Variants in HPGDS observed in about 807,000 individuals in gnomAD.
The protein encoded by HPGDS is GST class-sigma.
HPGDS carries 26 observed loss-of-function variants against 23.1 expected under a neutral mutation model. That is an observed-to-expected ratio of 1.13 (90% confidence interval 0.83 to 1.56). The LOEUF (loss-of-function observed/expected upper bound fraction) is 1.56. Among genes scored for constraint, HPGDS ranks in the 40% most tolerant of loss-of-function variants. HPGDS has a pLI of 0.00. For missense variants in HPGDS, 268 were observed against 236.4 expected (o/e 1.13, Z -0.88); for synonymous variants, 95 against 77.9 (o/e 1.22, Z -1.16).
At chr4:94,302,369 AT>A in intron 4 of HPGDS, 125 bp from the exon 5 acceptor site, 1 of 653,660 alleles carries the variant, frequency 1.5e-6, no homozygotes, top group Non-Finnish European at 2.6e-6. Context: ...AAGTAGCTAG[AT>A]TTTTTATTCA....
chr4:94,313,891 T>A (rs1756335928), intron 3 of HPGDS, among the ~76,000 whole-genome samples: 1 of 152,214 alleles, frequency 6.6e-6, no homozygotes, highest in African/African-American at 2.4e-5. Flanking sequence ...ATTCTTTTGA[T>A]CTTCCATCAC....
chr4:94,330,162 T>G (rs74946573), intron 2 of HPGDS, among the ~76,000 whole-genome samples: 2,470 of 152,260 alleles, frequency 0.016, 55 homozygotes, highest in African/African-American at 0.055. Flanking sequence ...GAAGAAAACT[T>G]AATTGTCCTT....
intron 2 of HPGDS, among the ~76,000 whole-genome samples, chr4:94,319,073 C>A (rs1316551339): frequency 3.3e-5 from 5 of 152,122 alleles, no homozygotes; most frequent in Non-Finnish European, 2.9e-5. Context: ...GCAGATTCAG[C>A]CCAATGTTTC....
intron 4 of HPGDS, among the ~76,000 whole-genome samples, chr4:94,304,945 G>C (rs35569829): frequency 6.6e-6 from 1 of 151,990 alleles, no homozygotes; most frequent in Admixed American, 6.6e-5. Flanking sequence ...CTGCACATTA[G>C]GGGGGTGTTT....
intron 2 of HPGDS, among the ~76,000 whole-genome samples, chr4:94,323,153 T>C (rs1241253432): frequency 6.6e-6 from 1 of 152,222 alleles, no homozygotes; most frequent in Non-Finnish European, 1.5e-5. Context: ...TCTGTTCTTT[T>C]ACATTTGCTG....
intron 2 of HPGDS, among the ~76,000 whole-genome samples, chr4:94,330,736 A>G (rs892954606): frequency 6.6e-6 from 1 of 151,494 alleles, no homozygotes; most frequent in Non-Finnish European, 1.5e-5. Flanking sequence ...TACTTTTGGG[A>G]AAAATATCCT....
intron 2 of HPGDS, among the ~76,000 whole-genome samples, chr4:94,320,132 G>A (rs1405841473): frequency 1.3e-5 from 2 of 152,126 alleles, no homozygotes; most frequent in Non-Finnish European, 2.9e-5. Context: ...TGGTATATAT[G>A]TACTACATTT....
chr4:94,301,200 AC>A (rs1205407022), intron 5 of HPGDS, among the ~76,000 whole-genome samples: 2 of 152,276 alleles, frequency 1.3e-5, no homozygotes, highest in Non-Finnish European at 2.9e-5. Flanking sequence ...TCAGCATGCT[AC>A]AAAAAAGCAG....
chr4:94,322,964 C>G (rs533461244), intron 2 of HPGDS, among the ~76,000 whole-genome samples: 1 of 152,302 alleles, frequency 6.6e-6, no homozygotes, highest in South Asian at 2.1e-4. Context: ...TACATTGTGT[C>G]TTTGTTCTCA....
intron 3 of HPGDS, among the ~76,000 whole-genome samples, chr4:94,310,940 C>T (rs1248238328): frequency 6.6e-6 from 1 of 152,026 alleles, no homozygotes; most frequent in African/African-American, 2.4e-5. Context: ...CTCTGTTTGT[C>T]TGTTATTGGT....
chr4:94,318,585 G>C (rs1366462415), intron 2 of HPGDS, among the ~76,000 whole-genome samples: 1 of 152,026 alleles, frequency 6.6e-6, no homozygotes. Context: ...TGTGGTCTGA[G>C]AAAATACTTG....
rs566067058 is a variant in HPGDS, at chr4:94,311,925, T to G, written c.227-3182A>C. ...TTCTAGATTTTCTAGTTTATTTGTGTAGAGGTGTTTATAGTATTCTCTGAT... is the reference window on the plus strand; with the variant it reads ...TTCTAGATTTTCTAGTTTATTTGTGGAGAGGTGTTTATAGTATTCTCTGAT... On this transcript the variant is annotated intron_variant, in intron 3 of 5. Coordinates refer to ENST00000295256, the MANE Select transcript of HPGDS (RefSeq NM_014485.3). 7.9e-4 allele frequency among the ~76,000 whole-genome samples: 120 copies of G among 151,926 alleles called. 3 individuals carry two copies. Among genetic ancestry groups the G allele is most frequent in the African/African-American group, 2.8e-3 (115 of 41,240 alleles).
At chr4:94,323,963 A>T (rs1756575135) in intron 2 of HPGDS, among the ~76,000 whole-genome samples, 2 of 152,178 alleles carry the variant, frequency 1.3e-5, no homozygotes, top group African/African-American at 4.8e-5. Context: ...TGGTATTGAC[A>T]AAATCTCTCA....
Position 94,302,231 on chromosome 4 carries a change from T to G in HPGDS, c.350A>C (p.Asn117Thr), listed in dbSNP as rs1756056230. The G allele has an allele frequency of 1.2e-6, 2 of 1,610,128 alleles. No homozygotes were observed. The highest frequency in any genetic ancestry group is 1.7e-5 in the Admixed American group (1 of 59,812). ...KKQDVKEQMF[N>T]ELLTYNAPHL... ...AGGCGCATTATACGTGAGCAGCTCA[T>G]TGAACATCTGCTCCTAGGAGAAGGA... Residue 117 changes from asparagine (N) to threonine (T), a missense_variant, in exon 5 of 6, where the codon AAT (asparagine) becomes ACT (threonine). Physicochemically the swap from Asn to Thr is moderately conservative, Grantham distance 65. Transcript: ENST00000295256.
chr4:94,309,610 A>G (rs1238433782), intron 3 of HPGDS, among the ~76,000 whole-genome samples: 1 of 152,090 alleles, frequency 6.6e-6, no homozygotes, highest in Non-Finnish European at 1.5e-5. Flanking sequence ...GTGTCTTTAT[A>G]GCAGCATGAT....
chr4:94,307,825 A>G (rs188530430), intron 4 of HPGDS, among the ~76,000 whole-genome samples: 1,921 of 152,322 alleles, frequency 0.013, 43 homozygotes, highest in African/African-American at 0.044. Flanking sequence ...GAAAGAAAAT[A>G]TAAAAGCATA....
At chr4:94,318,808 G>T (rs183457793) in intron 2 of HPGDS, among the ~76,000 whole-genome samples, 4 of 152,086 alleles carry the variant, frequency 2.6e-5, no homozygotes, top group Non-Finnish European at 5.9e-5. Context: ...CACCTCCCAG[G>T]TTCAAGTAAT....
chr4:94,299,376 G>A lies in HPGDS; in HGVS notation c.*104C>T, dbSNP rs906768434. 114 of 931,778 alleles carry A rather than the reference G, an allele frequency of 1.2e-4. 1 individual carries two copies. The highest frequency in any genetic ancestry group is 1.7e-4 in the Non-Finnish European group (110 of 641,880). The allele number at this position is 931,778 out of a possible 1,614,324, so 57.7% of individuals were successfully genotyped here. A position where few individuals can be genotyped will look rare whatever the true frequency, so the allele number is the denominator to read the frequency against. ...TGGCTAAAGTGAAAATCTTAGTGGA[G>A]CTGGGGAGGGAGCATGTGGATTATC... On this transcript the variant is annotated 3_prime_UTR_variant, in exon 6 of 6. Coordinates refer to ENST00000295256, the MANE Select transcript of HPGDS (RefSeq NM_014485.3).
chr4:94,316,108 G>A (rs2126039622), intron 3 of HPGDS, among the ~76,000 whole-genome samples: 2 of 152,232 alleles, frequency 1.3e-5, no homozygotes, highest in South Asian at 4.1e-4. Flanking sequence ...TAGTAGTATT[G>A]AATAGAAGAG....
Sources: allele counts gnomAD v4.1 joint callset (sites outside exome capture counted in the v4.1 genomes callset), GRCh38; gene constraint gnomAD v4.1.1; transcripts MANE v1.5; gene names NCBI Gene and HGNC (gene_info 2026-07-23, HGNC 2026-07-21).